MYBPC1: variants seen among roughly 807,000 people sequenced by gnomAD.
MYBPC1 encodes myosin-binding protein C, slow-type.
In MYBPC1, 52 loss-of-function variants were observed where a neutral mutation model predicts 147.1. That is an observed-to-expected ratio of 0.35 (90% CI 0.28 to 0.45). The LOEUF (loss-of-function observed/expected upper bound fraction) is 0.45. Ranked by LOEUF, MYBPC1 falls within the 20% of genes least tolerant of loss-of-function variation. The pLI is 1.00. For missense variants in MYBPC1, 1,228 were observed against 1,440.3 expected, an observed-to-expected ratio of 0.85 and a Z score of 2.39; for synonymous variants, 477 against 475.9, an observed-to-expected ratio of 1.00 and a Z score of -0.03.
intron 13 of MYBPC1, among the ~76,000 whole-genome samples, chr12:101,647,213 T>C (rs1041746849): frequency 6.6e-5 from 10 of 152,222 alleles, no homozygotes; most frequent in Non-Finnish European, 1.2e-4. Flanking sequence ...TGAAACCAGC[T>C]TCATTAATAA....
chr12:101,668,103 G>A (rs1897835843), intron 23 of MYBPC1, among the ~76,000 whole-genome samples: 1 of 152,016 alleles, frequency 6.6e-6, no homozygotes, highest in East Asian at 1.9e-4. Context: ...GTTTATCTTG[G>A]TACTCTGAGG....
chr12:101,645,091 A>G (rs1812818208), intron 12 of MYBPC1, among the ~76,000 whole-genome samples: 1 of 152,206 alleles, frequency 6.6e-6, no homozygotes, highest in African/African-American at 2.4e-5. Context: ...AATTTCTCCC[A>G]ATTTTAAAAA....
chr12:101,655,009 A>C (rs1895288143), intron 18 of MYBPC1, among the ~76,000 whole-genome samples: 1 of 152,240 alleles, frequency 6.6e-6, no homozygotes, highest in African/African-American at 2.4e-5. Flanking sequence ...AAAATTAGCA[A>C]TATCCTGCCA....
chr12:101,616,341 C>T (rs756967002), intron 2 of MYBPC1, among the ~76,000 whole-genome samples: 3 of 152,112 alleles, frequency 2.0e-5, no homozygotes, highest in Non-Finnish European at 4.4e-5. Flanking sequence ...ATAAACAAAC[C>T]TTTCCCTTCT....
Position 101,650,347 on chromosome 12 carries a change from C to T in MYBPC1, c.1364-884C>T, listed in dbSNP as rs184468640. Among the ~76,000 whole-genome samples, 745 of 152,132 alleles carry T rather than the reference C, an allele frequency of 4.9e-3. 7 individuals are homozygous for T. The highest frequency in any genetic ancestry group is 0.017 in the African/African-American group (712 of 41,500). On this transcript the variant is annotated intron_variant, in intron 15 of 31. Transcript: ENST00000361466. ...TCTCATGCTGCTAATAAAGACATAC[C>T]CAAGACTGGGTAATCTATAAAGGAA...
chr12:101,631,773 G>T, intron 7 of MYBPC1, 54 bp downstream of exon 7: 1 of 1,610,338 alleles, frequency 6.2e-7, no homozygotes, highest in East Asian at 2.2e-5. Context: ...CCTTCTATGT[G>T]AATAAATGAT....
At chr12:101,615,013 C>G (rs1347143911) in intron 2 of MYBPC1, 1 of 208,442 alleles carries the variant, frequency 4.8e-6, no homozygotes, top group Non-Finnish European at 9.8e-6. Context: ...TAGCAGCTAT[C>G]CAGAAAGGTT....
chr12:101,597,931 T>C (rs1233221258), intron 1 of MYBPC1, among the ~76,000 whole-genome samples: 11 of 152,074 alleles, frequency 7.2e-5, no homozygotes, highest in Admixed American at 4.6e-4. Flanking sequence ...GATACATTCA[T>C]TTATATATCA....
intron 13 of MYBPC1, chr12:101,647,128 T>C (rs1417299473): frequency 3.9e-6 from 2 of 511,600 alleles, no homozygotes; most frequent in South Asian, 4.2e-5. Flanking sequence ...ATTCTAGTTA[T>C]AGCTTTGAAA....
rs1214028051 is a variant in MYBPC1 at position 101,607,074 on chromosome 12, G to A, written c.26-7422G>A. Reference sequence around the variant, plus strand: ...CTCCTGAGCTCAAGCGATTCGATCTGCCCCCCAAAGTGCTGAGATCATAGG... The same window carrying A: ...CTCCTGAGCTCAAGCGATTCGATCTACCCCCCAAAGTGCTGAGATCATAGG... On this transcript the variant is annotated intron_variant, in intron 1 of 31. Transcript: ENST00000361466. Among the ~76,000 whole-genome samples, 5 of 152,184 alleles carry A rather than the reference G, an allele frequency of 3.3e-5. No homozygotes were observed. The East Asian group carries it at 5.8e-4, about 18-fold the overall frequency.
intron 3 of MYBPC1, among the ~76,000 whole-genome samples, chr12:101,620,966 C>T (rs1441227243): frequency 6.6e-6 from 1 of 152,074 alleles, no homozygotes; most frequent in Non-Finnish European, 1.5e-5. Flanking sequence ...CTCACATAAC[C>T]TGAGATGAAG....
At chr12:101,643,094 C>T (rs1287345168) in intron 11 of MYBPC1, among the ~76,000 whole-genome samples, 5 of 152,174 alleles carry the variant, frequency 3.3e-5, no homozygotes, top group African/African-American at 4.8e-5. Context: ...GAAAGGAATA[C>T]ATTTTACGCT....
At chr12:101,691,036 T>C in the MYBPC1 span, among the ~76,000 whole-genome samples, 1 of 152,174 alleles carries the variant, frequency 6.6e-6, no homozygotes, top group African/African-American at 2.4e-5. Flanking sequence ...GATAAAACTC[T>C]ACTGCAATGC....
At chr12:101,648,196 A>G in intron 14 of MYBPC1, 46 bp downstream of exon 14, 1 of 1,442,670 alleles carries the variant, frequency 6.9e-7, no homozygotes, top group Non-Finnish European at 9.7e-7. Flanking sequence ...AGACAAAAAA[A>G]TTGGACCTTC....
chr12:101,614,439 G>A (rs918826349), intron 1 of MYBPC1, 57 bp from the exon 2 acceptor site: 1 of 1,547,740 alleles, frequency 6.5e-7, no homozygotes. Flanking sequence ...GCTGTAGAAA[G>A]CAGTTCTTCT....
Position 101,606,142 on chromosome 12 carries a change from G to A in MYBPC1, c.26-8354G>A, listed in dbSNP as rs552408557. ...GGGGAGATCGAGGCTGCAGTAAGCCGAGATCACGCCACTGCACTCCAGCCT... is the reference window on the plus strand; with the variant it reads ...GGGGAGATCGAGGCTGCAGTAAGCCAAGATCACGCCACTGCACTCCAGCCT... On this transcript the variant is annotated intron_variant, in intron 1 of 31. Transcript: ENST00000361466. 3.4e-4 allele frequency among the ~76,000 whole-genome samples: 52 copies of A among 151,646 alleles called. No individual in the cohort carries two copies. In the South Asian group the frequency reaches 8.1e-3, roughly 24 times the overall value.
chr12:101,683,820 T>C (rs894396980), intron 30 of MYBPC1, among the ~76,000 whole-genome samples: 1 of 152,190 alleles, frequency 6.6e-6, no homozygotes, highest in African/African-American at 2.4e-5. Flanking sequence ...TTTTGAAAGC[T>C]TTGTAGATTG....
At chr12:101,686,597 C>A (rs970102177), downstream of MYBPC1, among the ~76,000 whole-genome samples, 1 of 152,204 alleles carries the variant, frequency 6.6e-6, no homozygotes, top group African/African-American at 2.4e-5. Flanking sequence ...GGAGTAGAAT[C>A]GAACTGTAAG....
chr12:101,644,737 A>C lies in MYBPC1; in HGVS notation c.906A>C (p.Ala302=). Reference sequence around the variant, plus strand: ...GAGTGAGGTTTGTTGTGGAGCTGGCAGATCCAAAGTTGGAGGTGAAATGGT... The same window carrying C: ...GAGTGAGGTTTGTTGTGGAGCTGGCCGATCCAAAGTTGGAGGTGAAATGGT... ...GGRVRFVVEL[A]DPKLEVKWYK... is the part of the protein sequence containing the mutation. The change falls in exon 12 of 32, where the codon GCA becomes GCC. Residue 302 remains alanine, a synonymous_variant. Transcript: ENST00000361466. 1 of 1,614,140 alleles carries C rather than the reference A, an allele frequency of 6.2e-7. No individual in the cohort carries two copies. Among genetic ancestry groups the C allele is most frequent in the Non-Finnish European group, 8.5e-7 (1 of 1,179,986 alleles).
Sources: gnomAD v4.1 joint callset for allele counts (sites outside exome capture counted in the v4.1 genomes callset) on GRCh38, gnomAD v4.1.1 for gene constraint, MANE v1.5 for transcripts, NCBI Gene and HGNC (gene_info 2026-07-23, HGNC 2026-07-21) for gene names.